CSMD1: variants seen among roughly 807,000 people sequenced by gnomAD.
CSMD1 encodes the protein CUB and Sushi multiple domains 1, also known as CUB and sushi domain-containing protein 1.
CSMD1 carries 213 observed loss-of-function variants against 417.5 expected under a neutral mutation model. That is an observed-to-expected ratio of 0.51 (90% CI 0.46 to 0.57). The LOEUF (loss-of-function observed/expected upper bound fraction) is 0.57. Ranked by LOEUF, CSMD1 falls within the 20% of genes least tolerant of loss-of-function variation. CSMD1 has a pLI of 0.00. For missense variants in CSMD1, 6,923 were observed against 4,529.7 expected (o/e 1.53, Z -15.17); for synonymous variants, 2,862 against 1,736.8 (o/e 1.65, Z -16.11).
chr8:3,981,699 C>G (rs946818727), intron 5 of CSMD1, among the ~76,000 whole-genome samples: 1 of 152,018 alleles, frequency 6.6e-6, no homozygotes, highest in African/African-American at 2.4e-5. Context: ...CAAAGAAAGG[C>G]TCTTTTGTAT....
At chr8:4,056,256 A>AT (rs1342498847) in intron 3 of CSMD1, among the ~76,000 whole-genome samples, 5 of 150,746 alleles carry the variant, frequency 3.3e-5, no homozygotes, top group Non-Finnish European at 7.4e-5. Flanking sequence ...TAATTTTTGT[A>AT]TTTTTTAGTA....
At chr8:4,460,723 A>C (rs1463408920) in intron 2 of CSMD1, among the ~76,000 whole-genome samples, 1 of 152,152 alleles carries the variant, frequency 6.6e-6, no homozygotes, top group Non-Finnish European at 1.5e-5. Context: ...CAAAAATACA[A>C]ATTACCCAAA....
At chr8:4,447,718 C>G (rs769121311) in intron 2 of CSMD1, among the ~76,000 whole-genome samples, 5 of 152,068 alleles carry the variant, frequency 3.3e-5, no homozygotes, top group Non-Finnish European at 7.3e-5. Context: ...GTTAATAAAA[C>G]CAAAATTAAG....
At chr8:4,851,193 A>G (rs71523649) in intron 1 of CSMD1, among the ~76,000 whole-genome samples, 43,816 of 147,538 alleles carry the variant, frequency 0.3, 6,796 homozygotes, top group Non-Finnish European at 0.36. Flanking sequence ...GAAAATATGC[A>G]GTGTTTGGAT....
At chr8:4,670,242 G>A (rs925841906) in intron 1 of CSMD1, among the ~76,000 whole-genome samples, 6 of 152,162 alleles carry the variant, frequency 3.9e-5, no homozygotes, top group Non-Finnish European at 8.8e-5. Context: ...GGATAATGTA[G>A]AAGAGGCATG....
intron 1 of CSMD1, among the ~76,000 whole-genome samples, chr8:4,933,976 T>G (rs1054764405): frequency 6.6e-6 from 1 of 151,894 alleles, no homozygotes; most frequent in African/African-American, 2.4e-5. Context: ...TCACTCTCAC[T>G]CAACAGTTAC....
chr8:4,270,993 T>C (rs1413321515), intron 3 of CSMD1, among the ~76,000 whole-genome samples: 1 of 152,158 alleles, frequency 6.6e-6, no homozygotes, highest in African/African-American at 2.4e-5. Flanking sequence ...TGAGATTGCA[T>C]TTTAAATTGT....
At chr8:4,928,819 C>T (rs903231832) in intron 1 of CSMD1, among the ~76,000 whole-genome samples, 1 of 152,082 alleles carries the variant, frequency 6.6e-6, no homozygotes, top group Admixed American at 6.5e-5. Flanking sequence ...CCTGTAATCA[C>T]AGGACTTTGG....
chr8:4,903,603 A>G (rs1805043315), intron 1 of CSMD1, among the ~76,000 whole-genome samples: 1 of 152,254 alleles, frequency 6.6e-6, no homozygotes, highest in Admixed American at 6.5e-5. Context: ...AACTTGTTAC[A>G]TGATAAAACA....
chr8:3,579,647 C>T (rs1265687177), intron 9 of CSMD1, among the ~76,000 whole-genome samples: 7 of 152,190 alleles, frequency 4.6e-5, no homozygotes, highest in Admixed American at 2.0e-4. Flanking sequence ...TCCTTCACCA[C>T]ACCTGGTTCC....
At chr8:3,800,637 T>G (rs2129072301) in intron 5 of CSMD1, among the ~76,000 whole-genome samples, 1 of 152,266 alleles carries the variant, frequency 6.6e-6, no homozygotes, top group African/African-American at 2.4e-5. Flanking sequence ...GGTATTTGGG[T>G]TATGCAGACA....
At chr8:4,574,959 C>A (rs1799070167) in intron 2 of CSMD1, among the ~76,000 whole-genome samples, 1 of 152,128 alleles carries the variant, frequency 6.6e-6, no homozygotes, top group African/African-American at 2.4e-5. Flanking sequence ...TCCTAATGAC[C>A]TCTATGAAAT....
Position 4,856,130 on chromosome 8 carries a change from A to G in CSMD1, c.85+138202T>C, listed in dbSNP as rs570546498. 6.3e-3 allele frequency among the ~76,000 whole-genome samples: 948 copies of G among 151,658 alleles called. 6 individuals carry two copies. Among genetic ancestry groups the G allele is most frequent in the Middle Eastern group, 0.017 (5 of 294 alleles). On this transcript the variant is annotated intron_variant, in intron 1 of 69. Transcript: ENST00000635120. ...ATATTCAACATTCTTAAAGACAAGAATTTTCAACCCAGAATTTCATATCCA... is the reference window on the plus strand; with the variant it reads ...ATATTCAACATTCTTAAAGACAAGAGTTTTCAACCCAGAATTTCATATCCA...
rs143636286 is a variant in CSMD1, at chr8:4,365,757, G to C, written c.415+54196C>G. On this transcript the variant is annotated intron_variant, in intron 3 of 69. Coordinates refer to ENST00000635120, the MANE Select transcript of CSMD1 (RefSeq NM_033225.6). ...TTCCAGATTTGAATAGCTGACTCCG[G>C]TGACCGAATTTATAGTCAAGTCCTG... is the stretch of plus-strand genomic sequence containing the variant. Among the ~76,000 whole-genome samples the C allele has an allele frequency of 2.3e-3, 352 of 152,202 alleles. 2 individuals are homozygous for C. The highest frequency in any genetic ancestry group is 8.2e-3 in the African/African-American group (341 of 41,530).
At chr8:4,585,289 C>A (rs1011274766) in intron 2 of CSMD1, among the ~76,000 whole-genome samples, 1 of 151,814 alleles carries the variant, frequency 6.6e-6, no homozygotes, top group Admixed American at 6.6e-5. Context: ...AATAGGCAGT[C>A]CCAGAAATTA....
chr8:4,167,617 G>T (rs1045812280), intron 3 of CSMD1, among the ~76,000 whole-genome samples: 3 of 152,100 alleles, frequency 2.0e-5, no homozygotes, highest in African/African-American at 7.2e-5. Context: ...AGGATATGTG[G>T]GGGACAGATA....
At chr8:4,345,161 A>T (rs1800707828) in intron 3 of CSMD1, among the ~76,000 whole-genome samples, 1 of 152,160 alleles carries the variant, frequency 6.6e-6, no homozygotes, top group African/African-American at 2.4e-5. Context: ...AAACAGTGGA[A>T]ACAGATTTCC....
chr8:4,803,798 G>T (rs1473485272), intron 1 of CSMD1, among the ~76,000 whole-genome samples: 1 of 152,030 alleles, frequency 6.6e-6, no homozygotes, highest in Admixed American at 6.6e-5. Flanking sequence ...CTTTGTTGGT[G>T]CTCTACATTT....
At chr8:4,554,719 T>C (rs1798014070) in intron 2 of CSMD1, among the ~76,000 whole-genome samples, 1 of 152,188 alleles carries the variant, frequency 6.6e-6, no homozygotes, top group South Asian at 2.1e-4. Flanking sequence ...GTTTGCAAGT[T>C]TTACTATTGT....
Sources: allele counts gnomAD v4.1 joint callset (sites outside exome capture counted in the v4.1 genomes callset), GRCh38; gene constraint gnomAD v4.1.1; transcripts MANE v1.5; gene names NCBI Gene and HGNC (gene_info 2026-07-23, HGNC 2026-07-21).